The following CELSR1 variants were observed in gnomAD, a reference collection of about 807,000 sequenced individuals.
CELSR1 encodes the protein cadherin EGF LAG seven-pass G-type receptor 1, also known as adhesion G protein-coupled receptor C1.
In CELSR1, 110 loss-of-function variants were observed where a neutral mutation model predicts 249.1. That is an observed-to-expected ratio of 0.44 (90% confidence interval 0.38 to 0.52). The LOEUF (loss-of-function observed/expected upper bound fraction) is 0.52, where lower values mean the gene tolerates loss of function less well. Ranked by LOEUF, CELSR1 falls within the 20% of genes least tolerant of loss-of-function variation. CELSR1 has a pLI of 0.00. For missense variants in CELSR1, 4,109 were observed against 4,296.4 expected, an observed-to-expected ratio of 0.96 and a Z score of 1.22; for synonymous variants, 2,113 against 1,900.0, an observed-to-expected ratio of 1.11 and a Z score of -2.92.
intron 1 of CELSR1, among the ~76,000 whole-genome samples, chr22:46,477,118 T>G (rs904074955): frequency 6.6e-6 from 1 of 152,118 alleles, no homozygotes; most frequent in Non-Finnish European, 1.5e-5. Flanking sequence ...TGGAACTACT[T>G]CTCCTTCCAA....
At chr22:46,529,108 AC>A (rs1282711795) in intron 1 of CELSR1, among the ~76,000 whole-genome samples, 21 of 151,664 alleles carry the variant, frequency 1.4e-4, no homozygotes, top group African/African-American at 4.8e-4. Flanking sequence ...TACTAAAAAT[AC>A]AAAAAAATTA....
At chr22:46,378,024 A>G (rs1015823975) in intron 23 of CELSR1, among the ~76,000 whole-genome samples, 1 of 152,174 alleles carries the variant, frequency 6.6e-6, no homozygotes. Flanking sequence ...TCCTGTCTGG[A>G]TAACGGGAGG....
At position 46,484,583 on chromosome 22, in the gene CELSR1, G is replaced by A. The variant is rs1393420307; in HGVS notation, c.3545-20238C>T. Among the ~76,000 whole-genome samples, 1 of 150,260 alleles carries A rather than the reference G, an allele frequency of 6.7e-6. No homozygotes were observed. Among genetic ancestry groups the A allele is most frequent in the East Asian group, 2.0e-4 (1 of 5,100 alleles). ...AGCTGGGGGCAGCCCGGGACAGCCT[G>A]GCAAGGGGCAGCTGCGCTCACATAC... On this transcript the variant is annotated intron_variant, in intron 1 of 34. Transcript: ENST00000674500. The surrounding 1 kb of genome is among the most constrained non-coding windows in gnomAD (Gnocchi z 4.5).
intron 1 of CELSR1, among the ~76,000 whole-genome samples, chr22:46,498,085 A>G (rs1297201905): frequency 1.4e-5 from 2 of 146,632 alleles, no homozygotes; most frequent in Non-Finnish European, 3.0e-5. Flanking sequence ...CCCGTCTCTA[A>G]TAAAAATACA....
rs2147689726 is a variant in CELSR1 at position 46,488,439 on chromosome 22, G to T, written c.3545-24094C>A. 6.6e-6 allele frequency among the ~76,000 whole-genome samples: 1 copy of T among 152,306 alleles called. No individual in the cohort carries two copies. The highest frequency in any genetic ancestry group is 2.1e-4 in the South Asian group (1 of 4,832). The stretch of plus-strand genomic sequence containing the variant: ...CAGGAGGCCACCGTAGTGCCATAGA[G>T]CGTGCACCTAGGCGTGCGTGCCAGT... On this transcript the variant is annotated intron_variant, in intron 1 of 34. Transcript: ENST00000674500. The surrounding 1 kb of genome is among the most constrained non-coding windows in gnomAD (Gnocchi z 4.7).
Position 46,364,752 on chromosome 22 carries a change from G to T in CELSR1, c.8555-16C>A. On this transcript the variant is annotated splice_polypyrimidine_tract_variant and intron_variant, in intron 32 of 34. Coordinates refer to ENST00000674500, the MANE Select transcript of CELSR1 (RefSeq NM_001378328.1). ...ACAGCGTCCCCTGAGGCACGAGAGC[G>T]GTGCTCAGCAGGCAGCGGCACTGCC... The T allele has an allele frequency of 6.2e-7, 1 of 1,606,784 alleles. No individual in the cohort carries two copies.
At chr22:46,425,221 GAATCACATCTAT>G (rs1466325958) in intron 5 of CELSR1, among the ~76,000 whole-genome samples, 2 of 152,190 alleles carry the variant, frequency 1.3e-5, no homozygotes, top group African/African-American at 4.8e-5. Flanking sequence ...GTGTCAACAT[GAATCACATCTAT>G]ATTCATGAGG....
chr22:46,363,063 G>T lies in CELSR1; in HGVS notation c.*160C>A. 6.8e-7 allele frequency: 1 copy of T among 1,466,266 alleles called. No individual in the cohort carries two copies. Among genetic ancestry groups the T allele is most frequent in the Non-Finnish European group, 9.5e-7 (1 of 1,054,054 alleles). 90.8% of individuals were successfully genotyped at this position (1,466,266 alleles called of 1,614,324 possible). ...TTGTGTCTGGATGATCAGTCGGGGGGCTGCCACCATGGGGACCGCCACACT... is the reference window on the plus strand; with the variant it reads ...TTGTGTCTGGATGATCAGTCGGGGGTCTGCCACCATGGGGACCGCCACACT... On this transcript the variant is annotated 3_prime_UTR_variant, in exon 35 of 35. Transcript: ENST00000674500. The surrounding 1 kb of genome is among the most constrained non-coding windows in gnomAD (Gnocchi z 4.3).
chr22:46,391,352 C>A lies in CELSR1; in HGVS notation c.6149-65G>T. The A allele has an allele frequency of 7.0e-7, 1 of 1,425,876 alleles. No individual in the cohort carries two copies. Among genetic ancestry groups the A allele is most frequent in the Non-Finnish European group, 9.8e-7 (1 of 1,021,210 alleles). 88.3% of individuals were successfully genotyped at this position (1,425,876 alleles called of 1,614,324 possible). A position where few individuals can be genotyped will look rare whatever the true frequency, so the allele number is the denominator to read the frequency against. Reference sequence around the variant, plus strand: ...CCACACCCACGACCACAAACAGGCACCACTGTCTGCATGCGCCTCCCTGCA... The same window carrying A: ...CCACACCCACGACCACAAACAGGCAACACTGTCTGCATGCGCCTCCCTGCA... On this transcript the variant is annotated intron_variant, in intron 15 of 34. Coordinates refer to ENST00000674500, the MANE Select transcript of CELSR1 (RefSeq NM_001378328.1). This position sits in a 1 kb window ranked among gnomAD's most constrained non-coding sequence, Gnocchi z 4.3.
At chr22:46,460,211 A>ACACACACACACACACC (rs773925316) in intron 2 of CELSR1, among the ~76,000 whole-genome samples, 8 of 148,870 alleles carry the variant, frequency 5.4e-5, no homozygotes, top group Non-Finnish European at 7.4e-5. Context: ...ACACACACAC[A>ACACACACACACACACC]CACACCCATT....
In CELSR1 at chr22:46,369,179, A is replaced by G. The variant is rs1401063901; in HGVS notation, c.7952T>C (p.Val2651Ala). ...GCCGGTCAGGTTCAGCCCCACTTAC[A>G]CGATCCCTTTTTTCCCATAATAATG... ...KHHYYGKKGI[V>A]SLLRTAFLLL... The change falls in exon 27 of 35, where the codon GTC (valine) becomes GCC (alanine). Residue 2651 changes from valine (V) to alanine (A), a missense_variant and splice_region_variant. By Grantham distance (64) the Val-to-Ala change is moderately conservative. Coordinates refer to ENST00000674500, the MANE Select transcript of CELSR1 (RefSeq NM_001378328.1). The G allele has an allele frequency of 1.6e-5, 26 of 1,613,670 alleles. No homozygotes were observed. Among genetic ancestry groups the G allele is most frequent in the East Asian group, 2.2e-5 (1 of 44,852 alleles).
At position 46,473,569 on chromosome 22, in the gene CELSR1, G is replaced by A. The variant is rs1370345370; in HGVS notation, c.3545-9224C>T. On this transcript the variant is annotated intron_variant, in intron 1 of 34. Transcript: ENST00000674500. The surrounding 1 kb of genome is among the most constrained non-coding windows in gnomAD (Gnocchi z 6.6). ...GCTCCTCCACTCTCCCGTCACCAAC[G>A]CCCCTCGAGGCCTGGTTAGGGCAGC... is the stretch of plus-strand genomic sequence containing the variant. Among the ~76,000 whole-genome samples the A allele has an allele frequency of 2.0e-5, 3 of 152,158 alleles. No individual in the cohort carries two copies. Among genetic ancestry groups the A allele is most frequent in the Non-Finnish European group, 4.4e-5 (3 of 68,022 alleles).
rs2080456274 is a variant in CELSR1 at position 46,500,555 on chromosome 22, G to A, written c.3544+33072C>T. On this transcript the variant is annotated intron_variant, in intron 1 of 34. Coordinates refer to ENST00000674500, the MANE Select transcript of CELSR1 (RefSeq NM_001378328.1). This position sits in a 1 kb window ranked among gnomAD's most constrained non-coding sequence, Gnocchi z 4.9. ...GGGAGCTCTGGGAGCTTCCAAAGGG[G>A]GCGTCAATGACACCCATAACTTGTC... Among the ~76,000 whole-genome samples the A allele has an allele frequency of 6.6e-6, 1 of 152,152 alleles. No homozygotes were observed. Among genetic ancestry groups the A allele is most frequent in the Admixed American group, 6.5e-5 (1 of 15,276 alleles).
At chr22:46,400,780 C>T (rs1315437165) in intron 9 of CELSR1, among the ~76,000 whole-genome samples, 4 of 151,870 alleles carry the variant, frequency 2.6e-5, no homozygotes, top group Non-Finnish European at 5.9e-5. Flanking sequence ...GGCAAAACCT[C>T]GTGTCTACTA....
At position 46,364,113 on chromosome 22, in the gene CELSR1, C is replaced by A; in HGVS notation, c.8918G>T (p.Gly2973Val). 6.2e-7 allele frequency: 1 copy of A among 1,612,242 alleles called. No individual in the cohort carries two copies. Among genetic ancestry groups the A allele is most frequent in the Non-Finnish European group, 8.5e-7 (1 of 1,179,594 alleles). Residue 2973 changes from glycine to valine, a missense_variant, in exon 34 of 35, where the codon GGC becomes GTC. This residue lies in a region of CELSR1 where 1,805 missense variants were observed against 1,831.6 expected (regional missense o/e 0.99). Coordinates refer to ENST00000674500, the MANE Select transcript of CELSR1 (RefSeq NM_001378328.1). Reference sequence around the variant, plus strand: ...CTTGACTGTGATGGCGCAGTCGGGGCCGCCAGAGCCCAGGGAAGACGTGCG... The same window carrying A: ...CTTGACTGTGATGGCGCAGTCGGGGACGCCAGAGCCCAGGGAAGACGTGCG... Reference protein sequence around the residue: ...SSRTSSLGSGGPDCAITVKSP... With the variant: ...SSRTSSLGSGVPDCAITVKSP...
chr22:46,438,617 A>G (rs755917228), intron 3 of CELSR1, among the ~76,000 whole-genome samples: 3 of 152,246 alleles, frequency 2.0e-5, no homozygotes, highest in Non-Finnish European at 4.4e-5. Flanking sequence ...GCAGCAGCGT[A>G]ACATTCCCTT....
chr22:46,368,088 T>C (rs2078808017), intron 27 of CELSR1, among the ~76,000 whole-genome samples: 1 of 151,980 alleles, frequency 6.6e-6, no homozygotes, highest in African/African-American at 2.4e-5. Context: ...TGGAATACAT[T>C]AGGAAGCAAA....
chr22:46,536,140 T>C lies in CELSR1; in HGVS notation c.1031A>G (p.Lys344Arg), dbSNP rs2080852435. 3.7e-6 allele frequency: 6 copies of C among 1,612,796 alleles called. No homozygotes were observed. Among genetic ancestry groups the C allele is most frequent in the South Asian group, 1.1e-5 (1 of 91,092 alleles). ...SATTYITVLV[K>R]DTNDHSPVFE... is the part of the protein sequence containing the mutation. The stretch of plus-strand genomic sequence containing the variant: ...GACCGGGCTGTGGTCGTTGGTGTCT[T>C]TGACCAAGACAGTGATGTAGGTGGT... Residue 344 changes from lysine to arginine, a missense_variant, in exon 1 of 35, where the codon AAA becomes AGA. By Grantham distance (26) the Lys-to-Arg change is conservative. This residue lies in a region of CELSR1 where 673 missense variants were observed against 636.8 expected (regional missense o/e 1.06). Coordinates refer to ENST00000674500, the MANE Select transcript of CELSR1 (RefSeq NM_001378328.1).
At position 46,536,501 on chromosome 22, in the gene CELSR1, C is replaced by G. The variant is rs757874840; in HGVS notation, c.670G>C (p.Glu224Gln). 1.3e-6 allele frequency: 2 copies of G among 1,545,332 alleles called. No homozygotes were observed. The highest frequency in any genetic ancestry group is 5.0e-5 in the East Asian group (2 of 39,808). ...PSPPLPPNLP[E>Q]ARAGPARRAR... The stretch of plus-strand genomic sequence containing the variant: ...CGTCGCGCCGGCCCCGCCCGGGCTT[C>G]GGGCAAGTTCGGCGGCAGGGGCGGC... Residue 224 changes from glutamate (E) to glutamine (Q), a missense_variant, in exon 1 of 35, where the codon GAA becomes CAA. Coordinates refer to ENST00000674500, the MANE Select transcript of CELSR1 (RefSeq NM_001378328.1).
Sources: allele counts gnomAD v4.1 joint callset (sites outside exome capture counted in the v4.1 genomes callset), GRCh38; gene constraint gnomAD v4.1.1; regional missense constraint gnomAD v4.1.1; non-coding constraint Gnocchi (gnomAD v3.1); transcripts MANE v1.5; gene names NCBI Gene and HGNC (gene_info 2026-07-23, HGNC 2026-07-21).